UPRT: variants seen among roughly 807,000 people sequenced by gnomAD.
UPRT encodes the protein uracil phosphoribosyltransferase homolog.
In UPRT, 5 loss-of-function variants were observed where a neutral mutation model predicts 22.6. The observed-to-expected ratio is 0.22, with a 90% CI of 0.12 to 0.47. The LOEUF is 0.47. Among genes scored for constraint, UPRT ranks in the 20% least tolerant of loss-of-function variants. The pLI, the probability that UPRT is intolerant of heterozygous loss-of-function variation, is 0.99. For missense variants in UPRT, 181 were observed against 239.9 expected (o/e 0.75, Z 1.62); for synonymous variants, 77 against 87.7 (o/e 0.88, Z 0.68).
At chrX:75,252,187 G>T (rs2147662349) in intron 4 of UPRT, among the ~76,000 whole-genome samples, 1 of 112,092 alleles carries the variant, frequency 8.9e-6, no homozygotes, top group South Asian at 3.7e-4. Flanking sequence ...AAAAGCAATG[G>T]CAACAAAAGC....
At chrX:75,237,370 C>G (rs1280006241) in intron 4 of UPRT, among the ~76,000 whole-genome samples, 3 of 111,916 alleles carry the variant, frequency 2.7e-5, no homozygotes, top group African/African-American at 9.8e-5. Context: ...ACTAGTTCAA[C>G]CATTGTGGAA....
At chrX:75,275,774 A>T (rs1003013223) in intron 1 of UPRT, among the ~76,000 whole-genome samples, 3 of 111,266 alleles carry the variant, frequency 2.7e-5, no homozygotes, top group Admixed American at 1.9e-4. Flanking sequence ...CAGTGGTGAG[A>T]TCACAGCTTA....
intron 4 of UPRT, among the ~76,000 whole-genome samples, chrX:75,219,003 C>T (rs1228926340): frequency 9.0e-6 from 1 of 110,569 alleles, no homozygotes; most frequent in Admixed American, 9.6e-5. Context: ...CTAACCTGCA[C>T]ATTGTGCACA....
intron 1 of UPRT, 108 bp from the exon 2 acceptor site, chrX:75,293,364 A>T: frequency 1.4e-6 from 1 of 718,231 alleles, no homozygotes; most frequent in Non-Finnish European, 2.0e-6. Flanking sequence ...GTAAGCATTT[A>T]AGCTTTTAGT....
intron 6 of UPRT, among the ~76,000 whole-genome samples, chrX:75,302,884 C>G (rs1219632812): frequency 9.1e-6 from 1 of 110,400 alleles, no homozygotes; most frequent in East Asian, 2.9e-4. Context: ...AGTTGAGAAA[C>G]CATCATCTTA....
At chrX:75,243,302 C>CA (rs1317621395) in intron 4 of UPRT, among the ~76,000 whole-genome samples, 6 of 111,132 alleles carry the variant, frequency 5.4e-5, no homozygotes, top group Admixed American at 9.6e-5. Context: ...AGGGCTTGAC[C>CA]AGTATTTTTT....
intron 4 of UPRT, among the ~76,000 whole-genome samples, chrX:75,178,825 AG>A (rs2082259074): frequency 9.0e-6 from 1 of 111,171 alleles, no homozygotes; most frequent in South Asian, 3.9e-4. Flanking sequence ...AAAGAGTGAA[AG>A]AACAAAGCTT....
In UPRT at chrX:75,252,268, A is replaced by T. The variant is rs2082533289; in HGVS notation, c.-446-38756A>T. 2.7e-5 allele frequency among the ~76,000 whole-genome samples: 3 copies of T among 112,189 alleles called. No homozygotes were observed. In the South Asian group the frequency reaches 1.1e-3, roughly 42 times the overall value. Reference sequence around the variant, plus strand: ...AACAAAAGAAACTACCATCAGAGTGAACAGGTAACCTACAGAATGGGAGAA... The same window carrying T: ...AACAAAAGAAACTACCATCAGAGTGTACAGGTAACCTACAGAATGGGAGAA... On this transcript the variant is annotated intron_variant, in intron 4 of 13. Coordinates refer to the UPRT transcript ENST00000652605.
intron 1 of UPRT, among the ~76,000 whole-genome samples, chrX:75,286,436 T>C (rs953476304): frequency 9.0e-6 from 1 of 111,199 alleles, no homozygotes; most frequent in African/African-American, 3.3e-5. Context: ...GAGAGAGTGA[T>C]ATATTTAAAT....
intron 1 of UPRT, among the ~76,000 whole-genome samples, chrX:75,285,769 CTG>C (rs921924363): frequency 9.1e-6 from 1 of 110,382 alleles, no homozygotes; most frequent in African/African-American, 3.3e-5. Context: ...TATTGACACT[CTG>C]TGAGTTTATT....
chrX:75,240,226 C>T (rs991115404), intron 4 of UPRT, among the ~76,000 whole-genome samples: 2 of 110,611 alleles, frequency 1.8e-5, no homozygotes, highest in Non-Finnish European at 3.8e-5. Context: ...GCTCAGAGAC[C>T]CGATAACTGA....
intron 4 of UPRT, among the ~76,000 whole-genome samples, chrX:75,261,191 G>T (rs1172158665): frequency 9.0e-6 from 1 of 111,360 alleles, no homozygotes; most frequent in Admixed American, 9.6e-5. Flanking sequence ...ACAATTAAAA[G>T]AACTAGAGAA....
chrX:75,290,924 G>T (rs2082704309), intron 1 of UPRT, among the ~76,000 whole-genome samples: 1 of 110,763 alleles, frequency 9.0e-6, no homozygotes, highest in Non-Finnish European at 1.9e-5. Flanking sequence ...TAAAAAACCT[G>T]CACATGTACC....
intron 1 of UPRT, among the ~76,000 whole-genome samples, chrX:75,280,800 C>A (rs2082653290): frequency 9.0e-6 from 1 of 111,157 alleles, no homozygotes; most frequent in African/African-American, 3.3e-5. Context: ...TTTTCTAATT[C>A]TGTGAAGAAT....
intron 4 of UPRT, among the ~76,000 whole-genome samples, chrX:75,235,369 C>A (rs1450803608): frequency 9.0e-6 from 1 of 111,709 alleles, no homozygotes; most frequent in Non-Finnish European, 1.9e-5. Flanking sequence ...GAAGGAGGAA[C>A]TGGTACCATT....
intron 4 of UPRT, among the ~76,000 whole-genome samples, chrX:75,241,317 A>G (rs757725135): frequency 7.2e-5 from 8 of 111,496 alleles, no homozygotes; most frequent in African/African-American, 2.6e-4. Flanking sequence ...AGCAAACAGG[A>G]AAAAAAATGC....
At chrX:75,239,388 C>T (rs186360020) in intron 4 of UPRT, among the ~76,000 whole-genome samples, 2 of 110,736 alleles carry the variant, frequency 1.8e-5, no homozygotes, top group Admixed American at 1.9e-4. Flanking sequence ...TATACAACCC[C>T]CCTAAACTAT....
At chrX:75,255,066 C>T (rs12688593) in intron 4 of UPRT, among the ~76,000 whole-genome samples, 8 of 110,622 alleles carry the variant, frequency 7.2e-5, no homozygotes, top group Non-Finnish European at 1.9e-5. Flanking sequence ...TGAGCCACCG[C>T]GCCCGGCCAG....
chrX:75,244,796 G>A (rs895969365), intron 4 of UPRT, among the ~76,000 whole-genome samples: 4 of 110,820 alleles, frequency 3.6e-5, no homozygotes, highest in African/African-American at 1.3e-4. Context: ...AGACTTAAAC[G>A]TAAAACCTAC....
Sources: gnomAD v4.1 joint callset for allele counts (sites outside exome capture counted in the v4.1 genomes callset) on GRCh38, gnomAD v4.1.1 for gene constraint, MANE v1.5 for transcripts, NCBI Gene and HGNC (gene_info 2026-07-23, HGNC 2026-07-21) for gene names.